The following PRRG3 variants were observed in gnomAD, a reference collection of about 807,000 sequenced individuals.
PRRG3 encodes proline rich and Gla domain 3.
A neutral mutation model predicts 15.8 loss-of-function variants in PRRG3; 21 were observed. The ratio of observed to expected loss-of-function variants is 1.33; its 90% CI spans 0.94 to 1.92. PRRG3 has a LOEUF of 1.92. Among genes scored for constraint, PRRG3 ranks in the 40% most tolerant of loss-of-function variants. The pLI is 0.00. For synonymous variants in PRRG3, 125 were observed against 84.1 expected, an observed-to-expected ratio of 1.49 and a Z score of -2.66; for missense variants, 251 against 200.2, an observed-to-expected ratio of 1.25 and a Z score of -1.53.
At chrX:151,696,956 C>T (rs932812019) in intron 1 of PRRG3, among the ~76,000 whole-genome samples, 22 of 111,328 alleles carry the variant, frequency 2.0e-4, no homozygotes, top group African/African-American at 6.9e-4. Context: ...TGCTGTTTTA[C>T]CTTTAATTTT....
chrX:151,699,945 G>C, intron 2 of PRRG3, 51 bp from the exon 3 acceptor site: 1 of 1,124,190 alleles, frequency 8.9e-7, no homozygotes, highest in Non-Finnish European at 1.2e-6. Context: ...TGGTTTGAAG[G>C]AGCCCCTGGG....
chrX:151,697,221 G>A (rs994285654), intron 1 of PRRG3, among the ~76,000 whole-genome samples: 3 of 106,853 alleles, frequency 2.8e-5, no homozygotes, highest in South Asian at 4.4e-4. Flanking sequence ...GTGCAGTGGC[G>A]CAATCTCAGC....
chrX:151,694,778 G>A (rs181442319), upstream of PRRG3, among the ~76,000 whole-genome samples: 2,663 of 111,989 alleles, frequency 0.024, 71 homozygotes, highest in African/African-American at 0.08. Context: ...ACGCGGGTTG[G>A]GCTGCGCAGG....
rs745396406 is a variant in PRRG3, at chrX:151,704,005, G to A, written c.*2972G>A. Reference sequence around the variant, plus strand: ...TGGGTATCGCGGGACTAGTTAATTAGATGTTTTTCATTTTTCAAAAAGAAA... The same window carrying A: ...TGGGTATCGCGGGACTAGTTAATTAAATGTTTTTCATTTTTCAAAAAGAAA... On this transcript the variant is annotated 3_prime_UTR_variant, in exon 4 of 4. Transcript: ENST00000674457. The A allele has an allele frequency of 1.0e-5, 1 of 96,706 alleles. No homozygotes were observed. The highest frequency in any genetic ancestry group is 1.2e-4 in the Admixed American group (1 of 8,497). 8.0% of individuals were successfully genotyped at this position (96,706 alleles called of 1,213,427 possible). A position where few individuals can be genotyped will look rare whatever the true frequency, so the allele number is the denominator to read the frequency against.
Position 151,700,839 on chromosome X carries a change from A to C in PRRG3, c.502A>C (p.Thr168Pro), listed in dbSNP as rs2014864178. Residue 168 changes from threonine (T) to proline (P), a missense_variant, in exon 4 of 4, where the codon ACA becomes CCA. Transcript: ENST00000674457. ...VLGPSRGGRT[T>P]VRLESTLYLP... ...GGGGCCCAGTCGGGGGGGCAGGACC[A>C]CAGTCCGGCTAGAGAGCACCCTCTA... The C allele has an allele frequency of 8.4e-7, 1 of 1,194,542 alleles. No individual in the cohort carries two copies. Among genetic ancestry groups the C allele is most frequent in the South Asian group, 1.8e-5 (1 of 55,179 alleles).
In PRRG3 at chrX:151,701,021, C is replaced by T. The variant is rs781475481; in HGVS notation, c.684C>T (p.Gly228=). 6.7e-5 allele frequency: 77 copies of T among 1,147,793 alleles called. No homozygotes were observed. The highest frequency in any genetic ancestry group is 1.6e-4 in the African/African-American group (9 of 55,432). The allele number at this position is 1,147,793 out of a possible 1,213,427, so 94.6% of individuals were successfully genotyped here. Residue 228 remains glycine, a synonymous_variant, in exon 4 of 4, where the codon GGC becomes GGT. Transcript: ENST00000674457. Reference sequence around the variant, plus strand: ...AGGAGATAGTGGCCGCCAACCCTGGCGCTGACAAGTAGTGGGACGTTTGTG... The same window carrying T: ...AGGAGATAGTGGCCGCCAACCCTGGTGCTGACAAGTAGTGGGACGTTTGTG... The part of the protein sequence containing the change: ...KYEEIVAANP[G]ADK
chrX:151,698,540 G>C, intron 1 of PRRG3: 1 of 281,761 alleles, frequency 3.5e-6, no homozygotes. Context: ...GTTCTTGGGG[G>C]AAAACGCTGA....
At chrX:151,698,942 T>G in intron 2 of PRRG3, 121 bp downstream of exon 2, 1 of 616,385 alleles carries the variant, frequency 1.6e-6, no homozygotes, top group Non-Finnish European at 2.5e-6. Context: ...GTAGCCATTT[T>G]CCAAATGGCT....
chrX:151,705,551 A>G lies in PRRG3; in HGVS notation c.*4518A>G, dbSNP rs887515557. ...ATCCCCCAGCTGCTTTTGCCTCTCAATCCATCTCCCCTCATCGATACCAAT... is the reference window on the plus strand; with the variant it reads ...ATCCCCCAGCTGCTTTTGCCTCTCAGTCCATCTCCCCTCATCGATACCAAT... On this transcript the variant is annotated 3_prime_UTR_variant, in exon 4 of 4. Transcript: ENST00000674457. 3 of 265,380 alleles carry G rather than the reference A, an allele frequency of 1.1e-5. No homozygotes were observed. Among genetic ancestry groups the G allele is most frequent in the Non-Finnish European group, 2.2e-5 (3 of 134,611 alleles). The allele number at this position is 265,380 out of a possible 1,213,427, so 21.9% of individuals were successfully genotyped here.
At position 151,704,384 on chromosome X, in the gene PRRG3, A is replaced by G. The variant is rs183458155; in HGVS notation, c.*3351A>G. 3.5e-4 allele frequency: 39 copies of G among 111,641 alleles called. No individual in the cohort carries two copies. The highest frequency in any genetic ancestry group is 1.5e-4 in the Non-Finnish European group (8 of 53,120). 9.2% of individuals were successfully genotyped at this position (111,641 alleles called of 1,213,427 possible). A position where few individuals can be genotyped will look rare whatever the true frequency, so the allele number is the denominator to read the frequency against. On this transcript the variant is annotated 3_prime_UTR_variant, in exon 4 of 4. Transcript: ENST00000674457. ...ACATTGCCTTTTTGGTAGCCCGAAT[A>G]TGAGGAATTCAGGACAGGAAAGTGT...
intron 2 of PRRG3, among the ~76,000 whole-genome samples, chrX:151,699,394 T>A (rs938302993): frequency 2.7e-5 from 3 of 112,266 alleles, no homozygotes; most frequent in African/African-American, 9.7e-5. Context: ...TCCCCAGAGG[T>A]GCTCTTAGGC....
intron 2 of PRRG3, among the ~76,000 whole-genome samples, 166 bp downstream of exon 2, chrX:151,698,987 C>T (rs759530938): frequency 8.9e-6 from 1 of 112,485 alleles, no homozygotes; most frequent in South Asian, 3.7e-4. Context: ...TCTTTGGCTC[C>T]CTTCTGAAGT....
At chrX:151,699,778 G>A (rs1007632417) in intron 2 of PRRG3, among the ~76,000 whole-genome samples, 2 of 112,897 alleles carry the variant, frequency 1.8e-5, no homozygotes, top group African/African-American at 6.4e-5. Flanking sequence ...TGGGGCTGTG[G>A]TATTCTAGAC....
intron 1 of PRRG3, among the ~76,000 whole-genome samples, chrX:151,697,684 T>A (rs770496332): frequency 5.1e-4 from 56 of 109,841 alleles, no homozygotes; most frequent in Admixed American, 1.8e-3. Context: ...CTCAATGGAT[T>A]CCACAGTTCA....
At chrX:151,700,290 G>C in intron 3 of PRRG3, 134 bp downstream of exon 3, 4 of 1,168,854 alleles carry the variant, frequency 3.4e-6, no homozygotes, top group Non-Finnish European at 4.6e-6. Flanking sequence ...GGGCCATCAC[G>C]GAGCAGATAA....
chrX:151,698,799 C>A lies in PRRG3; in HGVS notation c.-16C>A, dbSNP rs1308578697. The stretch of plus-strand genomic sequence containing the variant: ...CTTACTCCAGAGAAGTGAGACCCTG[C>A]AGCTGAGGGAGCATCATGGCAGGTG... On this transcript the variant is annotated 5_prime_UTR_variant, in exon 2 of 4. Transcript: ENST00000674457. 2 of 1,204,492 alleles carry A rather than the reference C, an allele frequency of 1.7e-6. No individual in the cohort carries two copies. Among genetic ancestry groups the A allele is most frequent in the Admixed American group, 2.2e-5 (1 of 45,601 alleles).
chrX:151,700,476 T>C, intron 3 of PRRG3, 30 bp from the exon 4 acceptor site: 2 of 1,159,322 alleles, frequency 1.7e-6, no homozygotes, highest in South Asian at 4.0e-5. Flanking sequence ...GAGCTTGAGC[T>C]TCTCTTAAGT....
rs1335721602 is a variant in PRRG3 at position 151,700,367 on chromosome X, C to G, written c.169-139C>G. ...TCACTTGGGAGCATTGTCCTTTGCC[C>G]TTGGTACATTCTGCTGCCTCTCTGG... On this transcript the variant is annotated intron_variant, in intron 3 of 3. Transcript: ENST00000674457. 6 of 1,138,246 alleles carry G rather than the reference C, an allele frequency of 5.3e-6. No individual in the cohort carries two copies. In the Admixed American group the frequency reaches 1.4e-4, roughly 27 times the overall value. The allele number at this position is 1,138,246 out of a possible 1,213,427, so 93.8% of individuals were successfully genotyped here. A position where few individuals can be genotyped will look rare whatever the true frequency, so the allele number is the denominator to read the frequency against.
intron 3 of PRRG3, 102 bp downstream of exon 3, chrX:151,700,258 C>T (rs1409903722): frequency 2.5e-6 from 3 of 1,193,190 alleles, no homozygotes; most frequent in East Asian, 3.0e-5. Context: ...GGAAAGACAC[C>T]CAGCCTAAGG....
Sources: gnomAD v4.1 joint callset for allele counts (sites outside exome capture counted in the v4.1 genomes callset) on GRCh38, gnomAD v4.1.1 for gene constraint, MANE v1.5 for transcripts, NCBI Gene and HGNC (gene_info 2026-07-23, HGNC 2026-07-21) for gene names.